The following MGMT variants were observed in gnomAD, a reference collection of about 807,000 sequenced individuals.
MGMT encodes the protein O-6-methylguanine-DNA methyltransferase.
A neutral mutation model predicts 15.9 loss-of-function variants in MGMT; 14 were observed. The observed-to-expected ratio is 0.88, with a 90% CI of 0.58 to 1.37. MGMT has a LOEUF of 1.37. Ranked by LOEUF, MGMT falls within the 40% of genes most tolerant of loss-of-function variation. The probability of loss-of-function intolerance (pLI) is 0.00; values close to 1 mark genes in which losing one functional copy is unlikely to be tolerated. For synonymous variants in MGMT, 130 were observed against 118.2 expected, an observed-to-expected ratio of 1.10 and a Z score of -0.65; for missense variants, 282 against 268.1, an observed-to-expected ratio of 1.05 and a Z score of -0.36.
chr10:129,746,549 A>G (rs1848698715), intron 3 of MGMT, among the ~76,000 whole-genome samples: 1 of 152,106 alleles, frequency 6.6e-6, no homozygotes. Context: ...CCAATTTTCC[A>G]GCACCTCTTT....
intron 2 of MGMT, among the ~76,000 whole-genome samples, chr10:129,561,274 G>T (rs1846274887): frequency 6.6e-6 from 1 of 152,134 alleles, no homozygotes; most frequent in Admixed American, 6.5e-5. Flanking sequence ...AAGGCCCTTG[G>T]GATTCGCTCT....
chr10:129,606,259 T>TCCTG (rs1293582717), intron 2 of MGMT, among the ~76,000 whole-genome samples: 5 of 152,226 alleles, frequency 3.3e-5, no homozygotes, highest in South Asian at 4.1e-4. Flanking sequence ...CGTGAGCACA[T>TCCTG]CCTGCCTGCC....
At chr10:129,510,517 A>G (rs1462240002) in intron 1 of MGMT, among the ~76,000 whole-genome samples, 1 of 152,126 alleles carries the variant, frequency 6.6e-6, no homozygotes, top group Non-Finnish European at 1.5e-5. Flanking sequence ...CTCTATTGGA[A>G]ATTATGGCTG....
At chr10:129,550,271 C>T (rs1846141036) in intron 2 of MGMT, among the ~76,000 whole-genome samples, 1 of 151,244 alleles carries the variant, frequency 6.6e-6, no homozygotes, top group Admixed American at 6.6e-5. Context: ...GTTCCGCAGC[C>T]ATCACCGCCA....
intron 3 of MGMT, among the ~76,000 whole-genome samples, chr10:129,725,481 C>T (rs1848421986): frequency 6.6e-6 from 1 of 152,260 alleles, no homozygotes; most frequent in Non-Finnish European, 1.5e-5. Flanking sequence ...CATGGAGATT[C>T]ATTACTTAGA....
intron 3 of MGMT, among the ~76,000 whole-genome samples, chr10:129,737,646 C>A (rs907443276): frequency 6.6e-6 from 1 of 152,198 alleles, no homozygotes; most frequent in African/African-American, 2.4e-5. Flanking sequence ...TTTAGAGTTT[C>A]CAGTTTTTCT....
At chr10:129,575,671 A>G (rs1221631337) in intron 2 of MGMT, among the ~76,000 whole-genome samples, 3 of 150,136 alleles carry the variant, frequency 2.0e-5, no homozygotes, top group Non-Finnish European at 4.5e-5. Flanking sequence ...AGAAAGCAAG[A>G]AATAACTAAG....
intron 2 of MGMT, among the ~76,000 whole-genome samples, chr10:129,673,268 A>C (rs1847745840): frequency 6.6e-6 from 1 of 152,054 alleles, no homozygotes; most frequent in African/African-American, 2.4e-5. Flanking sequence ...CATAAAGCTG[A>C]GTTCAAATCC....
At chr10:129,742,485 T>C (rs1288227325) in intron 3 of MGMT, among the ~76,000 whole-genome samples, 39 of 103,078 alleles carry the variant, frequency 3.8e-4, no homozygotes, top group African/African-American at 7.8e-4. Context: ...CCCACTACCA[T>C]AGCAGCCCAT....
intron 2 of MGMT, among the ~76,000 whole-genome samples, chr10:129,652,029 C>T (rs2133098287): frequency 6.6e-6 from 1 of 152,264 alleles, no homozygotes; most frequent in South Asian, 2.1e-4. Flanking sequence ...ACACTGAGTG[C>T]CCGAGAGGAA....
At chr10:129,473,206 C>T (rs1367242777) in intron 1 of MGMT, among the ~76,000 whole-genome samples, 2 of 152,178 alleles carry the variant, frequency 1.3e-5, no homozygotes, top group East Asian at 3.9e-4. Flanking sequence ...GTGTGACGGC[C>T]GTTTAGATCA....
chr10:129,530,250 T>C (rs1424798604), intron 1 of MGMT, among the ~76,000 whole-genome samples: 2 of 152,200 alleles, frequency 1.3e-5, no homozygotes, highest in East Asian at 3.8e-4. Context: ...AGTTGACTCG[T>C]ACTAACTGTA....
chr10:129,545,955 G>A (rs1846093690), intron 2 of MGMT, among the ~76,000 whole-genome samples: 1 of 152,202 alleles, frequency 6.6e-6, no homozygotes, highest in Non-Finnish European at 1.5e-5. Flanking sequence ...TGAGTTAAAG[G>A]TTAAATGAGT....
intron 3 of MGMT, among the ~76,000 whole-genome samples, chr10:129,716,204 G>A (rs1185336583): frequency 6.6e-6 from 1 of 152,140 alleles, no homozygotes; most frequent in Non-Finnish European, 1.5e-5. Context: ...TTCGGATCAG[G>A]CCTTCTCTGC....
Position 129,766,773 on chromosome 10 carries a change from C to A in MGMT, c.415-15C>A. 3 of 1,605,862 alleles carry A rather than the reference C, an allele frequency of 1.9e-6. No homozygotes were observed. The highest frequency in any genetic ancestry group is 2.7e-5 in the African/African-American group (2 of 74,892). On this transcript the variant is annotated splice_polypyrimidine_tract_variant and intron_variant, in intron 4 of 4. Coordinates refer to ENST00000651593, the MANE Select transcript of MGMT (RefSeq NM_002412.5). ...CAGATCCCTGACTGACAGTGGCTGC[C>A]CCCCTGTCTTCCAGGTCCCCATCCT...
intron 2 of MGMT, among the ~76,000 whole-genome samples, chr10:129,621,612 A>T (rs1046234660): frequency 2.9e-4 from 44 of 152,292 alleles, no homozygotes; most frequent in African/African-American, 1.0e-3. Context: ...TGAGCAGTGC[A>T]TGGTTGCTTG....
chr10:129,584,302 G>A (rs1846592486), intron 2 of MGMT, among the ~76,000 whole-genome samples: 1 of 152,230 alleles, frequency 6.6e-6, no homozygotes, highest in Non-Finnish European at 1.5e-5. Context: ...GCAGCAGGCA[G>A]CTGAGAATTG....
At chr10:129,657,194 G>A (rs1358426100) in intron 2 of MGMT, among the ~76,000 whole-genome samples, 1 of 152,148 alleles carries the variant, frequency 6.6e-6, no homozygotes, top group African/African-American at 2.4e-5. Flanking sequence ...ACAGACGACT[G>A]TCCCTTAGCT....
rs1848969421 is a variant in MGMT at position 129,768,903 on chromosome 10, CT to C, written c.*1907del. The C allele has an allele frequency of 6.6e-6, 1 of 152,348 alleles. No individual in the cohort carries two copies. The highest frequency in any genetic ancestry group is 2.4e-5 in the African/African-American group (1 of 41,482). 9.4% of individuals were successfully genotyped at this position (152,348 alleles called of 1,614,324 possible). The stretch of plus-strand genomic sequence containing the variant: ...GCACGCTGCAGGCAGGCTGCCTCCG[CT>C]GTTTGGGTCCCATGAACGATGGAAG... On this transcript the variant is annotated 3_prime_UTR_variant, in exon 5 of 5. Transcript: ENST00000651593.
Sources: allele counts gnomAD v4.1 joint callset (sites outside exome capture counted in the v4.1 genomes callset), GRCh38; gene constraint gnomAD v4.1.1; transcripts MANE v1.5; gene names NCBI Gene and HGNC (gene_info 2026-07-23, HGNC 2026-07-21).